Variants in RALYL observed in about 807,000 individuals in gnomAD.
RALYL encodes RALY RNA binding protein like.
A neutral mutation model predicts 35.1 loss-of-function variants in RALYL; 29 were observed. That is an observed-to-expected ratio of 0.83 (90% CI 0.61 to 1.13). RALYL has a LOEUF of 1.13. Ranked by LOEUF, RALYL falls within the 50% of genes most tolerant of loss-of-function variation. The pLI is 0.00. For missense variants in RALYL, 359 were observed against 360.4 expected (o/e 1.00, Z 0.03); for synonymous variants, 120 against 127.6 (o/e 0.94, Z 0.40).
At chr8:84,468,547 C>G (rs1228931892) in intron 1 of RALYL, among the ~76,000 whole-genome samples, 3 of 148,936 alleles carry the variant, frequency 2.0e-5, no homozygotes, top group Non-Finnish European at 4.5e-5. Flanking sequence ...TTGAGGGTAA[C>G]CCGACCTTTC....
intron 7 of RALYL, among the ~76,000 whole-genome samples, chr8:84,880,908 G>C (rs1842073024): frequency 6.6e-6 from 1 of 151,880 alleles, no homozygotes; most frequent in Non-Finnish European, 1.5e-5. Flanking sequence ...CATCCCACTA[G>C]AGACCTAGTT....
At chr8:84,812,319 G>T (rs1826083961) in intron 4 of RALYL, among the ~76,000 whole-genome samples, 1 of 152,102 alleles carries the variant, frequency 6.6e-6, no homozygotes, top group Non-Finnish European at 1.5e-5. Flanking sequence ...CTGGTACTGG[G>T]GGTTGTCTGC....
chr8:84,910,460 C>T (rs561307047), intron 8 of RALYL, among the ~76,000 whole-genome samples: 105 of 152,038 alleles, frequency 6.9e-4, no homozygotes, highest in East Asian at 7.7e-4. Flanking sequence ...TAATTAATTA[C>T]GCTGATAGGT....
At chr8:84,384,730 C>T (rs16912774) in intron 1 of RALYL, among the ~76,000 whole-genome samples, 4,291 of 151,768 alleles carry the variant, frequency 0.028, 197 homozygotes, top group African/African-American at 0.098. Context: ...CACCATCCTT[C>T]GCTCTGTGGA....
At chr8:84,190,433 TGC>T (rs1423647733) in intron 1 of RALYL, among the ~76,000 whole-genome samples, 1 of 152,234 alleles carries the variant, frequency 6.6e-6, no homozygotes, top group Non-Finnish European at 1.5e-5. Context: ...ATACTTTCAA[TGC>T]AGAATGGGAA....
chr8:84,535,602 ATTATTTTATTTTATT>A (rs71273903), intron 2 of RALYL, among the ~76,000 whole-genome samples: 46 of 138,434 alleles, frequency 3.3e-4, no homozygotes, highest in Non-Finnish European at 5.1e-4. Flanking sequence ...CGCCCGGCTA[ATTATTTTATTTTATT>A]TTATTTTATT....
chr8:84,787,458 T>C (rs1819809177), intron 3 of RALYL, among the ~76,000 whole-genome samples: 1 of 152,228 alleles, frequency 6.6e-6, no homozygotes, highest in South Asian at 2.1e-4. Context: ...TCTTTGCTAT[T>C]GTGAACAGTG....
Position 84,452,466 on chromosome 8 carries a change from A to G in RALYL, c.-23-76833A>G, listed in dbSNP as rs551536961. Among the ~76,000 whole-genome samples the G allele has an allele frequency of 3.9e-5, 6 of 152,062 alleles. No homozygotes were observed. The South Asian group carries it at 8.3e-4, about 21-fold the overall frequency. Reference sequence around the variant, plus strand: ...TTGCCAATTATGAAAGTCCAATAATATATTTTCTTTTTGTCTATATTAGGA... The same window carrying G: ...TTGCCAATTATGAAAGTCCAATAATGTATTTTCTTTTTGTCTATATTAGGA... On this transcript the variant is annotated intron_variant, in intron 1 of 8. Coordinates refer to ENST00000521268, the MANE Select transcript of RALYL (RefSeq NM_173848.7).
chr8:84,332,053 T>C (rs1263927790), intron 1 of RALYL, among the ~76,000 whole-genome samples: 1 of 152,180 alleles, frequency 6.6e-6, no homozygotes, highest in African/African-American at 2.4e-5. Context: ...TCCCGAATCC[T>C]CTTTTTAATT....
At chr8:84,286,238 A>G (rs1837575938) in intron 1 of RALYL, among the ~76,000 whole-genome samples, 1 of 152,084 alleles carries the variant, frequency 6.6e-6, no homozygotes, top group African/African-American at 2.4e-5. Context: ...GAATGTTTTT[A>G]ATTTACACAA....
intron 1 of RALYL, among the ~76,000 whole-genome samples, chr8:84,325,433 G>A (rs5009141): frequency 1.3e-5 from 2 of 152,036 alleles, no homozygotes; most frequent in Non-Finnish European, 2.9e-5. Context: ...TGTACTCAAC[G>A]CCTCTGGATT....
intron 1 of RALYL, among the ~76,000 whole-genome samples, chr8:84,271,166 A>G: frequency 6.9e-6 from 1 of 144,400 alleles, no homozygotes; most frequent in East Asian, 2.0e-4. Flanking sequence ...ACAGACATTT[A>G]AAAAAAAAAC....
chr8:84,603,684 A>T (rs1588453898), intron 2 of RALYL, among the ~76,000 whole-genome samples: 1 of 152,216 alleles, frequency 6.6e-6, no homozygotes, highest in East Asian at 1.9e-4. Context: ...GCTGCAAAGC[A>T]AGTGCAAACT....
intron 1 of RALYL, among the ~76,000 whole-genome samples, chr8:84,335,599 G>A (rs1421821980): frequency 2.0e-5 from 3 of 150,984 alleles, no homozygotes; most frequent in Non-Finnish European, 4.4e-5. Context: ...GGGAAGGAAA[G>A]CAATCTTCTC....
chr8:84,216,881 C>T (rs750917951), intron 1 of RALYL, among the ~76,000 whole-genome samples: 3 of 152,132 alleles, frequency 2.0e-5, no homozygotes, highest in Non-Finnish European at 4.4e-5. Flanking sequence ...GTGCTGACAT[C>T]ATTTCCCTAT....
intron 1 of RALYL, among the ~76,000 whole-genome samples, chr8:84,239,109 C>T (rs187442287): frequency 6.6e-6 from 1 of 152,148 alleles, no homozygotes; most frequent in Non-Finnish European, 1.5e-5. Context: ...GGCTACATAA[C>T]CACATTGCTA....
chr8:84,489,556 A>G (rs1024153199), intron 1 of RALYL, among the ~76,000 whole-genome samples: 2 of 152,080 alleles, frequency 1.3e-5, no homozygotes, highest in African/African-American at 4.8e-5. Context: ...TTGCAGTCCA[A>G]TTGCAGAAAC....
intron 2 of RALYL, among the ~76,000 whole-genome samples, chr8:84,735,467 G>A (rs1009556648): frequency 6.6e-6 from 1 of 151,874 alleles, no homozygotes; most frequent in Non-Finnish European, 1.5e-5. Flanking sequence ...AAATTTAGCT[G>A]TGTCAGTCAC....
intron 2 of RALYL, among the ~76,000 whole-genome samples, chr8:84,607,963 A>G (rs1169734519): frequency 6.6e-6 from 1 of 151,842 alleles, no homozygotes; most frequent in African/African-American, 2.4e-5. Context: ...TAAGTACTCA[A>G]TCGAGTTGCT....
Sources: gnomAD v4.1 joint callset for allele counts (sites outside exome capture counted in the v4.1 genomes callset) on GRCh38, gnomAD v4.1.1 for gene constraint, MANE v1.5 for transcripts, NCBI Gene and HGNC (gene_info 2026-07-23, HGNC 2026-07-21) for gene names.